Variants in RERE observed in about 807,000 individuals in gnomAD.
RERE encodes arginine-glutamic acid dipeptide repeats protein.
A neutral mutation model predicts 146.1 loss-of-function variants in RERE; 40 were observed. That is an observed-to-expected ratio of 0.27 (90% CI 0.21 to 0.36). RERE has a LOEUF of 0.36. Among genes scored for constraint, RERE ranks in the 10% least tolerant of loss-of-function variants. The pLI is 1.00. For synonymous variants in RERE, 1,003 were observed against 866.0 expected (o/e 1.16, Z -2.78); for missense variants, 1,933 against 2,138.7 (o/e 0.90, Z 1.90).
chr1:8,585,685 G>A (rs1343223980), intron 4 of RERE, among the ~76,000 whole-genome samples: 1 of 152,142 alleles, frequency 6.6e-6, no homozygotes, highest in African/African-American at 2.4e-5. Context: ...ATTAGGAATT[G>A]CAATTAGCTG....
chr1:8,519,431 G>A (rs887964446), intron 7 of RERE, among the ~76,000 whole-genome samples: 6 of 151,948 alleles, frequency 3.9e-5, no homozygotes, highest in South Asian at 2.1e-4. Context: ...AGACCCTGTC[G>A]CTAATAAAAT....
chr1:8,526,106 G>C (rs747319779), intron 7 of RERE: 3 of 1,066,556 alleles, frequency 2.8e-6, no homozygotes, highest in Admixed American at 5.3e-5. Flanking sequence ...TGCACACCAA[G>C]CTAGTGTGCA....
At chr1:8,765,600 C>T (rs1640831436) in intron 1 of RERE, among the ~76,000 whole-genome samples, 1 of 152,166 alleles carries the variant, frequency 6.6e-6, no homozygotes, top group Admixed American at 6.5e-5. Flanking sequence ...GGATGGATCA[C>T]CCGAGGTCAG....
chr1:8,640,807 T>C (rs1463004823), intron 2 of RERE, among the ~76,000 whole-genome samples: 2 of 152,188 alleles, frequency 1.3e-5, no homozygotes, highest in Non-Finnish European at 2.9e-5. Context: ...CCCATCTATC[T>C]CTGGTACTTA....
intron 4 of RERE, among the ~76,000 whole-genome samples, chr1:8,605,283 C>T (rs142496276): frequency 0.011 from 1,696 of 152,300 alleles, 30 homozygotes; most frequent in African/African-American, 0.039. Flanking sequence ...CAGGCACATG[C>T]CACCATGCCC....
intron 3 of RERE, among the ~76,000 whole-genome samples, chr1:8,620,181 C>G (rs1171727184): frequency 1.3e-5 from 2 of 152,192 alleles, no homozygotes; most frequent in African/African-American, 4.8e-5. Flanking sequence ...TTAATCTAGG[C>G]TCTTTCCATT....
At chr1:8,805,531 C>T (rs945052655) in intron 1 of RERE, among the ~76,000 whole-genome samples, 1 of 152,022 alleles carries the variant, frequency 6.6e-6, no homozygotes, top group Non-Finnish European at 1.5e-5. Context: ...CGCCTGTAGT[C>T]CCAGCTACTT....
intron 16 of RERE, 105 bp downstream of exon 16, chr1:8,362,578 T>G: frequency 2.4e-5 from 34 of 1,418,278 alleles, no homozygotes; most frequent in East Asian, 1.2e-4. Context: ...GCTCCATGAA[T>G]GAGCTGCATC....
chr1:8,399,806 T>A lies in RERE; in HGVS notation c.1284+22921A>T, dbSNP rs184183479. On this transcript the variant is annotated intron_variant, in intron 12 of 22. Coordinates refer to ENST00000400908, the MANE Select transcript of RERE (RefSeq NM_001042681.2). ...TTTAATATTTTATTATGTCTTTTTT[T>A]AAAAAAAAAAATAAAGAATTTGCAT... Among the ~76,000 whole-genome samples, 783 of 149,202 alleles carry A rather than the reference T, an allele frequency of 5.2e-3. 3 individuals carry two copies. The highest frequency in any genetic ancestry group is 0.011 in the Admixed American group (168 of 14,954).
At chr1:8,494,226 G>T (rs1645014557) in intron 10 of RERE, among the ~76,000 whole-genome samples, 1 of 152,078 alleles carries the variant, frequency 6.6e-6, no homozygotes, top group Non-Finnish European at 1.5e-5. Flanking sequence ...ATATTAACAT[G>T]TTCCAAAGTA....
At chr1:8,457,203 G>A (rs765103707) in intron 11 of RERE, among the ~76,000 whole-genome samples, 6 of 152,076 alleles carry the variant, frequency 3.9e-5, no homozygotes, top group Admixed American at 2.6e-4. Context: ...GAGCCAAACC[G>A]ACACCAAACT....
chr1:8,542,505 T>A (rs1645811450), intron 6 of RERE, among the ~76,000 whole-genome samples: 1 of 152,148 alleles, frequency 6.6e-6, no homozygotes, highest in South Asian at 2.1e-4. Context: ...CTTCTTTACC[T>A]TAAGGGCTTA....
At chr1:8,489,402 A>C (rs1644946998) in intron 10 of RERE, among the ~76,000 whole-genome samples, 1 of 152,008 alleles carries the variant, frequency 6.6e-6, no homozygotes, top group African/African-American at 2.4e-5. Context: ...AGAATGAAAA[A>C]AAGTCATGGT....
chr1:8,662,496 A>G (rs1439210959), intron 1 of RERE, among the ~76,000 whole-genome samples: 1 of 152,234 alleles, frequency 6.6e-6, no homozygotes, highest in Non-Finnish European at 1.5e-5. Flanking sequence ...AACCTGGGAA[A>G]CACAGCAAGA....
chr1:8,765,946 G>A (rs1202380916), intron 1 of RERE, among the ~76,000 whole-genome samples: 2 of 150,296 alleles, frequency 1.3e-5, no homozygotes, highest in Non-Finnish European at 3.0e-5. Context: ...GCGAGACTCC[G>A]TCTCAAAAAA....
chr1:8,419,896 A>G lies in RERE; in HGVS notation c.1284+2831T>C, dbSNP rs1394705202. Among the ~76,000 whole-genome samples, 3 of 152,194 alleles carry G rather than the reference A, an allele frequency of 2.0e-5. No homozygotes were observed. The South Asian group carries it at 6.2e-4, about 32-fold the overall frequency. The stretch of plus-strand genomic sequence containing the variant: ...TTTATAACGACCACAGCACCTACAC[A>G]ATTCTCATGCAGAGAAACACCATTT... On this transcript the variant is annotated intron_variant, in intron 12 of 22. Transcript: ENST00000400908.
intron 3 of RERE, among the ~76,000 whole-genome samples, chr1:8,619,118 T>C (rs1423462255): frequency 1.3e-5 from 2 of 152,244 alleles, no homozygotes; most frequent in Non-Finnish European, 2.9e-5. Flanking sequence ...AATGGAAATG[T>C]GCATTCTCCA....
At chr1:8,445,675 G>A (rs1356283669) in intron 11 of RERE, among the ~76,000 whole-genome samples, 1 of 151,968 alleles carries the variant, frequency 6.6e-6, no homozygotes, top group Non-Finnish European at 1.5e-5. Context: ...CCTGCGGCAG[G>A]AACCCCACCT....
chr1:8,366,766 T>C (rs532388233), intron 12 of RERE, among the ~76,000 whole-genome samples: 1 of 151,968 alleles, frequency 6.6e-6, no homozygotes, highest in African/African-American at 2.4e-5. Flanking sequence ...TTTTTGGAAA[T>C]ATAGCAAATG....
Sources: gnomAD v4.1 joint callset for allele counts (sites outside exome capture counted in the v4.1 genomes callset) on GRCh38, gnomAD v4.1.1 for gene constraint, MANE v1.5 for transcripts, NCBI Gene and HGNC (gene_info 2026-07-23, HGNC 2026-07-21) for gene names.